RSRC1: variants seen among roughly 807,000 people sequenced by gnomAD.
RSRC1 encodes arginine and serine rich coiled-coil 1.
A neutral mutation model predicts 49.1 loss-of-function variants in RSRC1; 39 were observed. That is an observed-to-expected ratio of 0.79 (90% confidence interval 0.61 to 1.04). The LOEUF is 1.04. Ranked by LOEUF, RSRC1 falls within the 50% of genes least tolerant of loss-of-function variation. RSRC1 has a pLI of 0.00. For synonymous variants in RSRC1, 143 were observed against 130.8 expected, an observed-to-expected ratio of 1.09 and a Z score of -0.63; for missense variants, 388 against 402.4, an observed-to-expected ratio of 0.96 and a Z score of 0.31.
chr3:158,236,806 A>G (rs1402292670), intron 4 of RSRC1, among the ~76,000 whole-genome samples: 1 of 152,200 alleles, frequency 6.6e-6, no homozygotes, highest in African/African-American at 2.4e-5. Context: ...CATATGTCCA[A>G]ACAACAAAGA....
At chr3:158,282,560 A>G (rs1402584160) in intron 4 of RSRC1, among the ~76,000 whole-genome samples, 1 of 152,230 alleles carries the variant, frequency 6.6e-6, no homozygotes, top group Non-Finnish European at 1.5e-5. Context: ...TGAGCACTTT[A>G]CATGCATTAT....
At chr3:158,355,844 A>G (rs1731128467) in intron 6 of RSRC1, among the ~76,000 whole-genome samples, 1 of 151,910 alleles carries the variant, frequency 6.6e-6, no homozygotes, top group South Asian at 2.1e-4. Context: ...TGGGTAGTAC[A>G]AAACCCTGTA....
chr3:158,372,674 A>G (rs989818831), intron 6 of RSRC1, among the ~76,000 whole-genome samples: 1 of 151,830 alleles, frequency 6.6e-6, no homozygotes, highest in Non-Finnish European at 1.5e-5. Context: ...ATTGATTACT[A>G]TTTTTAAAAA....
chr3:158,110,899 T>C (rs991950965), intron 1 of RSRC1, among the ~76,000 whole-genome samples: 1 of 152,254 alleles, frequency 6.6e-6, no homozygotes, highest in African/African-American at 2.4e-5. Context: ...GCATGTTGCC[T>C]GCTCTTGATT....
intron 7 of RSRC1, among the ~76,000 whole-genome samples, chr3:158,516,198 C>T (rs1188699101): frequency 3.3e-5 from 5 of 152,184 alleles, no homozygotes; most frequent in Non-Finnish European, 5.9e-5. Context: ...TCCAGTTTTT[C>T]TGCTCTGTTT....
intron 3 of RSRC1, among the ~76,000 whole-genome samples, chr3:158,164,365 ATTGT>A (rs1718416273): frequency 6.6e-6 from 1 of 151,948 alleles, no homozygotes; most frequent in South Asian, 2.1e-4. Flanking sequence ...TTCCAAATAA[ATTGT>A]TTTTGTTATT....
In RSRC1 at chr3:158,148,290, G is replaced by C. The variant is rs149782213; in HGVS notation, c.320+24299G>C. Among the ~76,000 whole-genome samples the C allele has an allele frequency of 1.3e-4, 20 of 152,178 alleles. No individual in the cohort carries two copies. In the East Asian group the frequency reaches 3.7e-3, roughly 28 times the overall value. ...GGTCATTGGAATGTTCAGTTGGGTT[G>C]GAGAAGCAATTTGATCATTCTCCTC... On this transcript the variant is annotated intron_variant, in intron 3 of 9. Coordinates refer to ENST00000611884, the MANE Select transcript of RSRC1 (RefSeq NM_001271838.2).
intron 4 of RSRC1, among the ~76,000 whole-genome samples, chr3:158,209,406 C>G (rs1178807475): frequency 6.6e-6 from 1 of 152,026 alleles, no homozygotes; most frequent in Non-Finnish European, 1.5e-5. Flanking sequence ...TTCCCAGCAT[C>G]CAGAACTGTG....
intron 7 of RSRC1, among the ~76,000 whole-genome samples, chr3:158,490,877 G>A (rs918027150): frequency 1.3e-5 from 2 of 152,156 alleles, no homozygotes; most frequent in Non-Finnish European, 2.9e-5. Flanking sequence ...GCATTGCTAT[G>A]ATAACTTAAA....
At chr3:158,156,567 T>C (rs1717891963) in intron 3 of RSRC1, among the ~76,000 whole-genome samples, 1 of 152,212 alleles carries the variant, frequency 6.6e-6, no homozygotes, top group South Asian at 2.1e-4. Flanking sequence ...GCTTAATCAT[T>C]TCTAGCTTTT....
At chr3:158,382,062 C>A (rs1475621369) in intron 6 of RSRC1, among the ~76,000 whole-genome samples, 1 of 152,024 alleles carries the variant, frequency 6.6e-6, no homozygotes, top group African/African-American at 2.4e-5. Flanking sequence ...CATTGAACAG[C>A]CGTTAAAAAC....
intron 6 of RSRC1, among the ~76,000 whole-genome samples, chr3:158,451,312 A>G (rs779740997): frequency 6.6e-6 from 1 of 152,010 alleles, no homozygotes; most frequent in Non-Finnish European, 1.5e-5. Context: ...TGGAAAATTG[A>G]TTCAGCATTT....
intron 6 of RSRC1, among the ~76,000 whole-genome samples, chr3:158,434,697 A>T (rs1490575091): frequency 6.6e-6 from 1 of 151,996 alleles, no homozygotes; most frequent in Non-Finnish European, 1.5e-5. Context: ...TACACCTGTA[A>T]GAAATTCACA....
intron 5 of RSRC1, among the ~76,000 whole-genome samples, chr3:158,304,208 T>C (rs577311013): frequency 6.6e-6 from 1 of 152,306 alleles, no homozygotes; most frequent in South Asian, 2.1e-4. Flanking sequence ...TTTATAAGAA[T>C]ATAGTTCTGC....
intron 6 of RSRC1, among the ~76,000 whole-genome samples, chr3:158,460,157 A>G (rs1737538855): frequency 1.3e-5 from 2 of 152,088 alleles, no homozygotes; most frequent in Middle Eastern, 3.4e-3. Flanking sequence ...TTCATCAACT[A>G]TAATGCTATT....
At chr3:158,332,126 A>T (rs1364523940) in intron 5 of RSRC1, among the ~76,000 whole-genome samples, 1 of 152,144 alleles carries the variant, frequency 6.6e-6, no homozygotes, top group Non-Finnish European at 1.5e-5. Flanking sequence ...TGTATTCATT[A>T]TATATATTTA....
intron 5 of RSRC1, among the ~76,000 whole-genome samples, chr3:158,300,090 C>T (rs996550101): frequency 3.3e-5 from 5 of 152,048 alleles, no homozygotes; most frequent in Admixed American, 2.0e-4. Flanking sequence ...AGTTATATTT[C>T]ATTTTTACTT....
chr3:158,238,905 G>C (rs922206230), intron 4 of RSRC1, among the ~76,000 whole-genome samples: 1 of 152,084 alleles, frequency 6.6e-6, no homozygotes, highest in South Asian at 2.1e-4. Context: ...CACAGCAAAA[G>C]AAACTACCAT....
intron 6 of RSRC1, among the ~76,000 whole-genome samples, chr3:158,452,040 T>A (rs1737072832): frequency 6.6e-6 from 1 of 152,118 alleles, no homozygotes; most frequent in South Asian, 2.1e-4. Flanking sequence ...TGATTTTGAA[T>A]AAAGTATATT....
Sources: allele counts gnomAD v4.1 joint callset (sites outside exome capture counted in the v4.1 genomes callset), GRCh38; gene constraint gnomAD v4.1.1; transcripts MANE v1.5; gene names NCBI Gene and HGNC (gene_info 2026-07-23, HGNC 2026-07-21).